LINC00305: variants seen among roughly 807,000 people sequenced by gnomAD.
LINC00305 encodes long intergenic non-protein coding RNA 305.
intron 1 of LINC00305, among the ~76,000 whole-genome samples, chr18:64,107,459 C>T (rs1339992189): frequency 2.0e-5 from 3 of 152,192 alleles, no homozygotes; most frequent in Admixed American, 6.5e-5. Flanking sequence ...TGAAATCCTT[C>T]AAGCTTCAGA....
intron 1 of LINC00305, among the ~76,000 whole-genome samples, chr18:64,106,034 G>C (rs1480325580): frequency 6.6e-6 from 1 of 152,212 alleles, no homozygotes; most frequent in Non-Finnish European, 1.5e-5. Flanking sequence ...CTGGCTTAAG[G>C]GAAGGAAGGG....
intron 3 of LINC00305, among the ~76,000 whole-genome samples, chr18:64,082,708 ATTATC>A (rs1392683747): frequency 3.3e-5 from 5 of 152,020 alleles, no homozygotes; most frequent in Non-Finnish European, 5.9e-5. Flanking sequence ...CACTAACTAT[ATTATC>A]TTGTTTCTTT....
intron 1 of LINC00305, among the ~76,000 whole-genome samples, chr18:64,107,752 A>G (rs1471114537): frequency 6.6e-6 from 1 of 152,182 alleles, no homozygotes; most frequent in East Asian, 1.9e-4. Flanking sequence ...TGGTCAATGT[A>G]TCTTATAGGG....
At chr18:64,093,097 A>G (rs567576101) in intron 3 of LINC00305, among the ~76,000 whole-genome samples, 60 of 152,322 alleles carry the variant, frequency 3.9e-4, no homozygotes, top group Non-Finnish European at 7.8e-4. Context: ...TAGCGAGTCT[A>G]TAAAAATATT....
chr18:64,083,490 T>A (rs1378432312), intron 3 of LINC00305, among the ~76,000 whole-genome samples: 2 of 152,242 alleles, frequency 1.3e-5, no homozygotes. Context: ...CTGTACGTGC[T>A]ATTAACTTTG....
chr18:64,141,750 G>A (rs1362945454), intron 1 of LINC00305, among the ~76,000 whole-genome samples: 3 of 152,188 alleles, frequency 2.0e-5, no homozygotes, highest in Admixed American at 2.0e-4. Context: ...ATAATTCTGA[G>A]ATGTTGATTT....
chr18:64,125,889 C>T (rs1012200941), intron 1 of LINC00305, among the ~76,000 whole-genome samples: 4 of 152,094 alleles, frequency 2.6e-5, no homozygotes, highest in African/African-American at 9.7e-5. Context: ...TGGTTCTTTT[C>T]TCTGTCTCAC....
At chr18:64,134,832 G>C (rs1416489348) in intron 1 of LINC00305, among the ~76,000 whole-genome samples, 1 of 152,120 alleles carries the variant, frequency 6.6e-6, no homozygotes, top group African/African-American at 2.4e-5. Context: ...TAAATTATGA[G>C]GTCTACATTC....
chr18:64,099,245 G>T (rs1443763750), intron 1 of LINC00305, among the ~76,000 whole-genome samples: 1 of 152,086 alleles, frequency 6.6e-6, no homozygotes, highest in Admixed American at 6.6e-5. Flanking sequence ...CCTAAATATG[G>T]TCACATTTCA....
intron 1 of LINC00305, among the ~76,000 whole-genome samples, chr18:64,135,161 T>A (rs1406218040): frequency 6.6e-6 from 1 of 152,180 alleles, no homozygotes; most frequent in Admixed American, 6.5e-5. Flanking sequence ...TCTTTGTGTG[T>A]CTGTGTCTTT....
At chr18:64,126,522 C>T (rs1468693516) in intron 1 of LINC00305, among the ~76,000 whole-genome samples, 2 of 152,092 alleles carry the variant, frequency 1.3e-5, no homozygotes, top group Non-Finnish European at 2.9e-5. Flanking sequence ...CGCTCAGCCT[C>T]TATGAACAAG....
intron 1 of LINC00305, among the ~76,000 whole-genome samples, chr18:64,147,640 A>G (rs981601684): frequency 6.6e-6 from 1 of 152,172 alleles, no homozygotes; most frequent in African/African-American, 2.4e-5. Flanking sequence ...CTCTTGAATT[A>G]AAATGTGTCA....
At chr18:64,111,925 G>T (rs1055691776) in intron 1 of LINC00305, among the ~76,000 whole-genome samples, 1 of 152,172 alleles carries the variant, frequency 6.6e-6, no homozygotes, top group Non-Finnish European at 1.5e-5. Flanking sequence ...AAGGACCATG[G>T]TGAGAAAAAG....
intron 3 of LINC00305, among the ~76,000 whole-genome samples, chr18:64,084,348 G>A (rs948141448): frequency 3.3e-5 from 5 of 152,006 alleles, no homozygotes; most frequent in African/African-American, 9.7e-5. Flanking sequence ...GGCCTCATAC[G>A]TGGGTGACAA....
intron 1 of LINC00305, chr18:64,147,125 A>G (rs910005708): frequency 6.6e-6 from 1 of 152,192 alleles, no homozygotes; most frequent in Non-Finnish European, 1.5e-5. Flanking sequence ...CACCTTCCCC[A>G]ATGCCACATG....
At chr18:64,131,969 T>G (rs2051411731) in intron 1 of LINC00305, among the ~76,000 whole-genome samples, 1 of 152,248 alleles carries the variant, frequency 6.6e-6, no homozygotes, top group East Asian at 1.9e-4. Context: ...TTTTGTAGCC[T>G]GCTTCTTTGT....
chr18:64,118,617 G>A (rs1192573634), intron 1 of LINC00305, among the ~76,000 whole-genome samples: 6 of 152,060 alleles, frequency 3.9e-5, no homozygotes, highest in Admixed American at 2.6e-4. Context: ...CACATTCTGC[G>A]TGGAATGCTG....
chr18:64,080,512 CT>C (rs957208724), intron 3 of LINC00305: 2 of 227,040 alleles, frequency 8.8e-6, no homozygotes, highest in Non-Finnish European at 1.8e-5. Flanking sequence ...TTTTAGAATA[CT>C]TTAAAAAACA....
intron 3 of LINC00305, among the ~76,000 whole-genome samples, chr18:64,094,682 C>T (rs1420089203): frequency 6.6e-6 from 1 of 151,868 alleles, no homozygotes; most frequent in East Asian, 1.9e-4. Flanking sequence ...GGGCAACATG[C>T]CAAAACCCCA....
Sources: gnomAD v4.1 joint callset for allele counts (sites outside exome capture counted in the v4.1 genomes callset) on GRCh38, gnomAD v4.1.1 for gene constraint, MANE v1.5 for transcripts, NCBI Gene and HGNC (gene_info 2026-07-23, HGNC 2026-07-21) for gene names.